Variants in ADARB2 observed in about 807,000 individuals in gnomAD.
ADARB2 encodes the protein inactive double-stranded RNA-specific editase B2.
A neutral mutation model predicts 62.2 loss-of-function variants in ADARB2; 25 were observed. The observed-to-expected ratio is 0.40, with a 90% CI of 0.29 to 0.56. The LOEUF (loss-of-function observed/expected upper bound fraction) is 0.56. Ranked by LOEUF, ADARB2 falls within the 20% of genes least tolerant of loss-of-function variation. The pLI is 0.43. For missense variants in ADARB2, 1,071 were observed against 1,077.4 expected (o/e 0.99, Z 0.08); for synonymous variants, 572 against 500.8 (o/e 1.14, Z -1.90).
At chr10:1,214,543 T>C (rs187323700) in intron 7 of ADARB2, among the ~76,000 whole-genome samples, 19 of 152,264 alleles carry the variant, frequency 1.2e-4, no homozygotes, top group Admixed American at 1.1e-3. Context: ...TTTGCACCTG[T>C]GCCTGGACCT....
At chr10:1,217,743 G>A (rs1036697274) in intron 6 of ADARB2, among the ~76,000 whole-genome samples, 3 of 152,128 alleles carry the variant, frequency 2.0e-5, no homozygotes, top group African/African-American at 7.2e-5. Flanking sequence ...AGTGCTTGCC[G>A]CCCAGGCTGT....
At chr10:1,211,314 C>CATCT (rs78760134) in intron 7 of ADARB2, among the ~76,000 whole-genome samples, 49,739 of 151,734 alleles carry the variant, frequency 0.33, 8,388 homozygotes, top group South Asian at 0.46. Context: ...CTGTCATCTT[C>CATCT]ATCTATCTGT....
intron 1 of ADARB2, among the ~76,000 whole-genome samples, chr10:1,493,910 T>C (rs1167357945): frequency 6.6e-6 from 1 of 151,826 alleles, no homozygotes; most frequent in African/African-American, 2.4e-5. Context: ...CGTGCGCCAC[T>C]ACGCCTGGCT....
At chr10:1,332,281 A>C (rs937764567) in intron 3 of ADARB2, among the ~76,000 whole-genome samples, 4 of 152,022 alleles carry the variant, frequency 2.6e-5, no homozygotes, top group African/African-American at 9.7e-5. Context: ...GTGGACGTCT[A>C]TAGTCCCAGC....
At chr10:1,480,653 G>C (rs1187268625) in intron 1 of ADARB2, among the ~76,000 whole-genome samples, 1 of 139,388 alleles carries the variant, frequency 7.2e-6, no homozygotes, top group African/African-American at 2.6e-5. Context: ...AGCTGAGATT[G>C]TGCCCCTGCA....
At chr10:1,449,599 AGAG>A (rs1446530233) in intron 1 of ADARB2, among the ~76,000 whole-genome samples, 10 of 152,206 alleles carry the variant, frequency 6.6e-5, no homozygotes, top group Admixed American at 5.9e-4. Flanking sequence ...GAGAATTCCC[AGAG>A]GAGAAGCCGA....
At chr10:1,468,078 T>A (rs979614347) in intron 1 of ADARB2, among the ~76,000 whole-genome samples, 8 of 152,272 alleles carry the variant, frequency 5.3e-5, no homozygotes, top group African/African-American at 1.4e-4. Flanking sequence ...TTTTAATATG[T>A]CATCTATATG....
chr10:1,575,894 C>T (rs1833004382), intron 1 of ADARB2, among the ~76,000 whole-genome samples: 1 of 85,626 alleles, frequency 1.2e-5, no homozygotes, highest in Admixed American at 1.1e-4. Context: ...GTCAGAGAGC[C>T]CATGAAGCCC....
intron 1 of ADARB2, among the ~76,000 whole-genome samples, chr10:1,733,020 A>G (rs1835253266): frequency 6.6e-6 from 1 of 152,074 alleles, no homozygotes; most frequent in South Asian, 2.1e-4. Context: ...ATAACCAACC[A>G]CTCTAGAACA....
intron 1 of ADARB2, among the ~76,000 whole-genome samples, chr10:1,562,297 T>G (rs1247700964): frequency 6.6e-6 from 1 of 152,130 alleles, no homozygotes; most frequent in Non-Finnish European, 1.5e-5. Context: ...CCTCATCACA[T>G]GAGGCCCTCA....
At chr10:1,280,309 T>G (rs1200024178) in intron 3 of ADARB2, among the ~76,000 whole-genome samples, 1 of 152,196 alleles carries the variant, frequency 6.6e-6, no homozygotes, top group Admixed American at 6.5e-5. Context: ...AGCGGCTCCC[T>G]TTCTGAACCC....
At chr10:1,186,938 G>A (rs901515965) in intron 8 of ADARB2, among the ~76,000 whole-genome samples, 3 of 152,184 alleles carry the variant, frequency 2.0e-5, no homozygotes, top group Non-Finnish European at 4.4e-5. Flanking sequence ...ATTTAAATTC[G>A]GGGAAGACCC....
intron 1 of ADARB2, among the ~76,000 whole-genome samples, chr10:1,417,568 T>C (rs1023414668): frequency 6.6e-6 from 1 of 152,216 alleles, no homozygotes. Context: ...TAAAATCACA[T>C]CAAAACAGGC....
At chr10:1,247,921 G>T (rs1047008608) in intron 4 of ADARB2, among the ~76,000 whole-genome samples, 1 of 152,112 alleles carries the variant, frequency 6.6e-6, no homozygotes, top group Non-Finnish European at 1.5e-5. Flanking sequence ...TCGGTGCTCT[G>T]GTTCCCCACA....
chr10:1,267,826 C>T (rs1022378276), intron 4 of ADARB2, among the ~76,000 whole-genome samples: 5 of 152,202 alleles, frequency 3.3e-5, no homozygotes, highest in African/African-American at 1.2e-4. Flanking sequence ...GGTGGTTCTG[C>T]TTGGCTCTGT....
chr10:1,411,207 C>T (rs1832756640), intron 1 of ADARB2, among the ~76,000 whole-genome samples: 1 of 152,282 alleles, frequency 6.6e-6, no homozygotes, highest in Non-Finnish European at 1.5e-5. Flanking sequence ...ATCTCAGGGG[C>T]CTGGTTCAGG....
At chr10:1,571,998 A>T (rs1171806564) in intron 1 of ADARB2, among the ~76,000 whole-genome samples, 2 of 140,904 alleles carry the variant, frequency 1.4e-5, no homozygotes, top group Non-Finnish European at 3.0e-5. Context: ...TGTGCAGGTG[A>T]GTGTGCTGCT....
At chr10:1,386,546 A>C (rs1014772728) in intron 1 of ADARB2, among the ~76,000 whole-genome samples, 5 of 152,100 alleles carry the variant, frequency 3.3e-5, no homozygotes, top group African/African-American at 1.2e-4. Context: ...GTAGTTTTCA[A>C]AATATGAAAT....
chr10:1,732,726 G>T (rs994956385), intron 1 of ADARB2, among the ~76,000 whole-genome samples: 1 of 152,228 alleles, frequency 6.6e-6, no homozygotes, highest in Non-Finnish European at 1.5e-5. Context: ...ACACCGGCGG[G>T]GACGACTGTA....
Sources: gnomAD v4.1 joint callset for allele counts (sites outside exome capture counted in the v4.1 genomes callset) on GRCh38, gnomAD v4.1.1 for gene constraint, MANE v1.5 for transcripts, NCBI Gene and HGNC (gene_info 2026-07-23, HGNC 2026-07-21) for gene names.